Variants in BRCA2 observed in about 807,000 individuals in gnomAD.
BRCA2 encodes breast cancer type 2 susceptibility protein.
A neutral mutation model predicts 276.7 loss-of-function variants in BRCA2; 203 were observed. The ratio of observed to expected loss-of-function variants is 0.73; its 90% CI spans 0.65 to 0.82. BRCA2 has a LOEUF of 0.82. Among genes scored for constraint, BRCA2 ranks in the 40% least tolerant of loss-of-function variants. The probability of loss-of-function intolerance (pLI) is 0.00; values close to 1 mark genes in which losing one functional copy is unlikely to be tolerated. For synonymous variants in BRCA2, 1,289 were observed against 1,338.4 expected, an observed-to-expected ratio of 0.96 and a Z score of 0.81; for missense variants, 3,920 against 3,915.0, an observed-to-expected ratio of 1.00 and a Z score of -0.03.
rs80358930 is a variant in BRCA2 at position 32,354,904 on chromosome 13, G to T, written c.7051G>T (p.Ala2351Ser). The T allele has an allele frequency of 5.0e-6, 8 of 1,613,252 alleles. No homozygotes were observed. Among genetic ancestry groups the T allele is most frequent in the African/African-American group, 1.3e-5 (1 of 74,860 alleles). The change falls in exon 14 of 27, where the codon GCA becomes TCA. Residue 2351 changes from alanine to serine, a missense_variant. Ala to Ser is a moderately conservative substitution (Grantham distance 99). This residue lies in a region of BRCA2 where 3,263 missense variants were observed against 3,156.9 expected (regional missense o/e 1.03). Transcript: ENST00000380152. ...AGAGATACAGAATCCAAATTTTACC[G>T]CACCTGGTCAAGAATTTCTGTCTAA... ...RQEIQNPNFT[A>S]PGQEFLSKSH...
intron 18 of BRCA2, among the ~76,000 whole-genome samples, chr13:32,367,268 C>G (rs1365525061): frequency 1.3e-5 from 2 of 152,092 alleles, no homozygotes; most frequent in Non-Finnish European, 2.9e-5. Flanking sequence ...AACCCCTTCT[C>G]TACTAAAAAA....
intron 24 of BRCA2, among the ~76,000 whole-genome samples, chr13:32,386,407 C>T (rs1447921466): frequency 1.3e-5 from 2 of 151,890 alleles, no homozygotes; most frequent in Non-Finnish European, 2.9e-5. Context: ...GACTGCATCT[C>T]AAAATAAAGA....
At chr13:32,360,173 C>A (rs1236207223) in intron 16 of BRCA2, among the ~76,000 whole-genome samples, 1 of 152,088 alleles carries the variant, frequency 6.6e-6, no homozygotes, top group Non-Finnish European at 1.5e-5. Context: ...AGACCCCCAG[C>A]CTCTAAGAGG....
In BRCA2 at chr13:32,337,596, T is replaced by A. The variant is rs1555283117; in HGVS notation, c.3241T>A (p.Cys1081Ser). 1 of 1,594,842 alleles carries A rather than the reference T, an allele frequency of 6.3e-7. No individual in the cohort carries two copies. The highest frequency in any genetic ancestry group is 8.5e-7 in the Non-Finnish European group (1 of 1,170,800). ...HLQSSVVVSD[C>S]KNSHITPQML... Reference sequence around the variant, plus strand: ...ACAGAGTAGTGTAGTTGTTTCTGATTGTAAAAATAGTCATATAACCCCTCA... The same window carrying A: ...ACAGAGTAGTGTAGTTGTTTCTGATAGTAAAAATAGTCATATAACCCCTCA... Residue 1081 changes from cysteine to serine, a missense_variant, in exon 11 of 27, where the codon TGT becomes AGT. Around this residue, in one of 2 missense-constraint regions of BRCA2, gnomAD observed 3,263 missense variants for 3,156.9 expected, o/e 1.03. Transcript: ENST00000380152.
chr13:32,344,678 C>G (rs1012991952), intron 12 of BRCA2, 25 bp downstream of exon 12: 1 of 1,439,060 alleles, frequency 6.9e-7, no homozygotes, highest in African/African-American at 1.4e-5. Flanking sequence ...TTATTTATAT[C>G]TGTTCTCCCT....
rs1566232680 is a variant in BRCA2, at chr13:32,339,922, A to G, written c.5567A>G (p.His1856Arg). ...IASGKIVCVS[H>R]ETIKKVKDIF... The stretch of plus-strand genomic sequence containing the variant: ...AGTGGTAAAATCGTTTGTGTTTCAC[A>G]TGAAACAATTAAAAAAGTGAAAGAC... Residue 1856 changes from histidine (H) to arginine (R), a missense_variant, in exon 11 of 27, where the codon CAT becomes CGT. His to Arg is a conservative substitution (Grantham distance 29). Transcript: ENST00000380152. The G allele has an allele frequency of 6.2e-7, 1 of 1,607,188 alleles. No individual in the cohort carries two copies. The highest frequency in any genetic ancestry group is 1.3e-5 in the African/African-American group (1 of 74,640).
Position 32,341,160 on chromosome 13 carries a change from ATTGGAAAAAGAAGAGGAGAGCCCC to A in BRCA2, c.6808_6831del (p.Gly2270_Leu2277del). On this transcript the variant is annotated inframe_deletion, in exon 11 of 27. Transcript: ENST00000380152. ...GGAAATGGTTTTGTCAAATTCAAGA[ATTGGAAAAAGAAGAGGAGAGCCCC>A]TTATCTTAGTGGGTAAGTGTTCATT... 1 of 1,613,970 alleles carries A rather than the reference ATTGGAAAAAGAAGAGGAGAGCCCC, an allele frequency of 6.2e-7. No homozygotes were observed. The highest frequency in any genetic ancestry group is 8.5e-7 in the Non-Finnish European group (1 of 1,179,908).
rs1364714267 is a variant in BRCA2 at position 32,340,315 on chromosome 13, A to G, written c.5960A>G (p.Gln1987Arg). 3.1e-6 allele frequency: 5 copies of G among 1,613,926 alleles called. No homozygotes were observed. Among genetic ancestry groups the G allele is most frequent in the African/African-American group, 1.3e-5 (1 of 74,930 alleles). The change falls in exon 11 of 27, where the codon CAG becomes CGG. Residue 1987 changes from glutamine (Q) to arginine (R), a missense_variant. By Grantham distance (43) the Gln-to-Arg change is conservative. This residue lies in a region of BRCA2 where 3,263 missense variants were observed against 3,156.9 expected (regional missense o/e 1.03). Coordinates refer to ENST00000380152, the MANE Select transcript of BRCA2 (RefSeq NM_000059.4). ...AGCACAGCAAGTGGAAAATCTGTCC[A>G]GGTATCAGATGCTTCATTACAAAAC... ...IFSTASGKSV[Q>R]VSDASLQNAR...
At chr13:32,373,859 C>T (rs1249474791) in intron 20 of BRCA2, among the ~76,000 whole-genome samples, 6 of 152,262 alleles carry the variant, frequency 3.9e-5, no homozygotes, top group Non-Finnish European at 8.8e-5. Context: ...TCCCGGTTTC[C>T]CTCCTGTACT....
rs747117261 is a variant in BRCA2 at position 32,355,257 on chromosome 13, A to C, written c.7404A>C (p.Val2468=). 1.2e-6 allele frequency: 2 copies of C among 1,613,748 alleles called. No homozygotes were observed. The highest frequency in any genetic ancestry group is 4.5e-5 in the East Asian group (2 of 44,810). Residue 2468 remains valine, a synonymous_variant, in exon 14 of 27, where the codon GTA becomes GTC. Coordinates refer to ENST00000380152, the MANE Select transcript of BRCA2 (RefSeq NM_000059.4). ...NKNNSNQAVA[V]TFTKCEEEPL... is the part of the protein sequence containing the mutation. Reference sequence around the variant, plus strand: ...ACAACTCCAATCAAGCAGTAGCTGTAACTTTCACAAAGTGTGAAGAAGAAC... The same window carrying C: ...ACAACTCCAATCAAGCAGTAGCTGTCACTTTCACAAAGTGTGAAGAAGAAC...
At chr13:32,327,256 T>C (rs2072356814) in intron 7 of BRCA2, among the ~76,000 whole-genome samples, 1 of 152,206 alleles carries the variant, frequency 6.6e-6, no homozygotes, top group Non-Finnish European at 1.5e-5. Context: ...GAGAGCAGCC[T>C]GTACAACGTG....
At position 32,337,698 on chromosome 13, in the gene BRCA2, T is replaced by C. The variant is rs1204868565; in HGVS notation, c.3343T>C (p.Ser1115Pro). Residue 1115 changes from serine (S) to proline (P), a missense_variant, in exon 11 of 27, where the codon TCT becomes CCT. Coordinates refer to ENST00000380152, the MANE Select transcript of BRCA2 (RefSeq NM_000059.4). ...PSQKAEITEL[S>P]TILEESGSQF... ...CCAAAAGGCAGAAATTACAGAACTTTCTACTATATTAGAAGAATCAGGAAG... is the reference window on the plus strand; with the variant it reads ...CCAAAAGGCAGAAATTACAGAACTTCCTACTATATTAGAAGAATCAGGAAG... 2 of 1,606,696 alleles carry C rather than the reference T, an allele frequency of 1.2e-6. No homozygotes were observed. Among genetic ancestry groups the C allele is most frequent in the Non-Finnish European group, 8.5e-7 (1 of 1,177,360 alleles).
At position 32,338,633 on chromosome 13, in the gene BRCA2, AT is replaced by A. The variant is rs80359439; in HGVS notation, c.4284del (p.Gln1429ArgfsTer19). The A allele has an allele frequency of 1.3e-6, 2 of 1,598,748 alleles. No individual in the cohort carries two copies. Among genetic ancestry groups the A allele is most frequent in the Admixed American group, 1.7e-5 (1 of 58,856 alleles). On this transcript the variant is annotated frameshift_variant, in exon 11 of 27. Coordinates refer to ENST00000380152, the MANE Select transcript of BRCA2 (RefSeq NM_000059.4). LOFTEE classifies it high-confidence loss of function. ...NIKDFETSDT[F>X]FQTASGKNIS... is the part of the protein sequence containing the mutation. ...TAAAAGATTTTGAGACTTCTGATACATTTTTTCAGACTGCAAGTGGGAAAAA... is the reference window on the plus strand; with the variant it reads ...TAAAAGATTTTGAGACTTCTGATACATTTTTCAGACTGCAAGTGGGAAAAA...
rs1356264344 is a variant in BRCA2, at chr13:32,357,737, T to C, written c.7618-5T>C. ...TTCTTTTTTGTGTGTGTTTATTTTG[T>C]GTAGCTGTATACGTATGGCGTTTCT... On this transcript the variant is annotated splice_polypyrimidine_tract_variant and splice_region_variant and intron_variant, in intron 15 of 26. Transcript: ENST00000380152. 2.5e-6 allele frequency: 4 copies of C among 1,609,372 alleles called. No homozygotes were observed. Among genetic ancestry groups the C allele is most frequent in the Non-Finnish European group, 3.4e-6 (4 of 1,176,538 alleles).
intron 20 of BRCA2, among the ~76,000 whole-genome samples, chr13:32,373,474 C>A (rs1337945112): frequency 1.7e-4 from 26 of 151,802 alleles, no homozygotes. Flanking sequence ...CCACTGCACT[C>A]TAGCCTGGGC....
chr13:32,322,385 C>CA (rs2072312044), intron 3 of BRCA2, among the ~76,000 whole-genome samples: 1 of 152,162 alleles, frequency 6.6e-6, no homozygotes, highest in African/African-American at 2.4e-5. Context: ...AGGGGTCTCA[C>CA]AGCCTTTTGA....
rs1479815532 is a variant in BRCA2 at position 32,339,189 on chromosome 13, C to T, written c.4834C>T (p.Pro1612Ser). ...CCTTGTTTCTATTGAGACTGTGGTG[C>T]CACCTAAGCTCTTAAGTGATAATTT... ...KNLVSIETVV[P>S]PKLLSDNLCR... The change falls in exon 11 of 27, where the codon CCA becomes TCA. Residue 1612 changes from proline to serine, a missense_variant. Pro to Ser is a moderately conservative substitution (Grantham distance 74, BLOSUM62 -1). Coordinates refer to ENST00000380152, the MANE Select transcript of BRCA2 (RefSeq NM_000059.4). The T allele has an allele frequency of 6.2e-7, 1 of 1,613,264 alleles. No individual in the cohort carries two copies. The highest frequency in any genetic ancestry group is 8.5e-7 in the Non-Finnish European group (1 of 1,179,364).
intron 24 of BRCA2, among the ~76,000 whole-genome samples, chr13:32,388,557 C>A (rs541075658): frequency 6.6e-6 from 1 of 151,770 alleles, no homozygotes; most frequent in African/African-American, 2.4e-5. Flanking sequence ...ACAGGCCTTG[C>A]GTTAGATGAT....
chr13:32,332,695 C>G lies in BRCA2; in HGVS notation c.1217C>G (p.Ala406Gly), dbSNP rs1005568368. The G allele has an allele frequency of 3.1e-6, 5 of 1,613,702 alleles. No individual in the cohort carries two copies. The African/African-American group carries it at 4.0e-5, about 13-fold the overall frequency. ...SQLTLSGLNG[A>G]QMEKIPLLHI... is the part of the protein sequence containing the mutation. ...CTAACCCTTTCAGGTCTAAATGGAG[C>G]CCAGATGGAGAAAATACCCCTATTG... Residue 406 changes from alanine to glycine, a missense_variant, in exon 10 of 27, where the codon GCC (alanine) becomes GGC (glycine). Transcript: ENST00000380152.
Sources: gnomAD v4.1 joint callset for allele counts (sites outside exome capture counted in the v4.1 genomes callset) on GRCh38, gnomAD v4.1.1 for gene constraint, gnomAD v4.1.1 regional missense constraint, MANE v1.5 for transcripts, NCBI Gene and HGNC (gene_info 2026-07-23, HGNC 2026-07-21) for gene names.